IFT43: variants seen among roughly 807,000 people sequenced by gnomAD.
IFT43 encodes intraflagellar transport protein 43 homolog.
IFT43 carries 33 observed loss-of-function variants against 32.3 expected under a neutral mutation model. The observed-to-expected ratio is 1.02, with a 90% CI of 0.77 to 1.37. The LOEUF (loss-of-function observed/expected upper bound fraction) is 1.37, where lower values mean the gene tolerates loss of function less well. Ranked by LOEUF, IFT43 falls within the 40% of genes most tolerant of loss-of-function variation. The pLI is 0.00. For synonymous variants in IFT43, 93 were observed against 98.2 expected, an observed-to-expected ratio of 0.95 and a Z score of 0.31; for missense variants, 274 against 265.9, an observed-to-expected ratio of 1.03 and a Z score of -0.21.
intron 7 of IFT43, 86 bp from the exon 8 acceptor site, chr14:76,083,141 C>G (rs981126471): frequency 2.7e-6 from 4 of 1,498,012 alleles, no homozygotes; most frequent in Non-Finnish European, 3.7e-6. Context: ...TTCTGACACA[C>G]AAAAACTGAT....
intron 2 of IFT43, among the ~76,000 whole-genome samples, chr14:76,004,066 A>C (rs372841438): frequency 6.6e-6 from 1 of 151,616 alleles, no homozygotes; most frequent in Non-Finnish European, 1.5e-5. Flanking sequence ...GTGAACCACC[A>C]CCCCCAGCCC....
Position 76,082,385 on chromosome 14 carries a change from T to C in IFT43, c.368+18T>C, listed in dbSNP as rs2140099537. ...CCTCCCAGGTAGGTTAAATCAGATA[T>C]GATTGGGGAGGCAAAGAACACGTGA... On this transcript the variant is annotated intron_variant, in intron 6 of 8. Coordinates refer to ENST00000314067, the MANE Select transcript of IFT43 (RefSeq NM_001102564.3). The C allele has an allele frequency of 6.7e-7, 1 of 1,499,178 alleles. No individual in the cohort carries two copies. The highest frequency in any genetic ancestry group is 9.3e-7 in the Non-Finnish European group (1 of 1,075,016). 92.9% of individuals were successfully genotyped at this position (1,499,178 alleles called of 1,614,324 possible).
At chr14:75,998,708 G>C (rs1026640297) in intron 2 of IFT43, among the ~76,000 whole-genome samples, 4 of 152,162 alleles carry the variant, frequency 2.6e-5, no homozygotes, top group Non-Finnish European at 4.4e-5. Flanking sequence ...AGGGGTCCCT[G>C]CAATTTCAGG....
chr14:76,076,548 A>G (rs772671974), intron 5 of IFT43: 22 of 1,611,344 alleles, frequency 1.4e-5, no homozygotes, highest in Non-Finnish European at 1.9e-5. Flanking sequence ...TGCTTGGGGT[A>G]TACTCATTGC....
At chr14:76,060,286 T>G (rs2037105677) in intron 5 of IFT43, among the ~76,000 whole-genome samples, 1 of 152,108 alleles carries the variant, frequency 6.6e-6, no homozygotes. Context: ...GGTGCAATCT[T>G]GGCTCACTGA....
intron 5 of IFT43, among the ~76,000 whole-genome samples, chr14:76,080,372 G>A (rs2037487414): frequency 6.6e-6 from 1 of 152,198 alleles, no homozygotes; most frequent in Non-Finnish European, 1.5e-5. Flanking sequence ...CACATTTGGA[G>A]GAGGGGGTTG....
intron 5 of IFT43, among the ~76,000 whole-genome samples, chr14:76,069,330 CTT>C (rs887960713): frequency 1.5e-3 from 234 of 152,216 alleles, no homozygotes; most frequent in African/African-American, 5.2e-3. Flanking sequence ...GGAGAAATGA[CTT>C]TTAAACTTCA....
intron 3 of IFT43, among the ~76,000 whole-genome samples, chr14:76,039,168 TGTTGCCCAG>T (rs2036660064): frequency 6.6e-6 from 1 of 152,020 alleles, no homozygotes; most frequent in African/African-American, 2.4e-5. Flanking sequence ...GGTCTCATTC[TGTTGCCCAG>T]GTTGGAGGGT....
At chr14:76,073,035 C>CTTTTTT (rs1212649444) in intron 5 of IFT43, among the ~76,000 whole-genome samples, 1 of 152,102 alleles carries the variant, frequency 6.6e-6, no homozygotes, top group Non-Finnish European at 1.5e-5. Context: ...TCTTAGACTG[C>CTTTTTT]TTTGATTTTT....
intron 2 of IFT43, chr14:76,013,660 G>C (rs1467313589): frequency 7.0e-6 from 2 of 285,118 alleles, no homozygotes; most frequent in East Asian, 1.9e-4. Context: ...GGGGAAAGGA[G>C]CAGCAACAAA....
intron 3 of IFT43, among the ~76,000 whole-genome samples, chr14:76,029,851 T>TTTTTTTTTTA (rs2036472787): frequency 3.4e-5 from 4 of 117,462 alleles, no homozygotes; most frequent in Non-Finnish European, 6.9e-5. Context: ...TTTATTTTTA[T>TTTTTTTTTTA]TTTTATTTTA....
intron 3 of IFT43, among the ~76,000 whole-genome samples, chr14:76,047,441 G>T (rs1025026921): frequency 6.6e-6 from 1 of 152,126 alleles, no homozygotes; most frequent in African/African-American, 2.4e-5. Context: ...AAATAAAGAA[G>T]TCATATTAAG....
intron 5 of IFT43, among the ~76,000 whole-genome samples, chr14:76,061,918 T>G (rs2037141892): frequency 6.6e-6 from 1 of 152,208 alleles, no homozygotes; most frequent in South Asian, 2.1e-4. Context: ...TCAAAAAGTT[T>G]TGGATTTTAG....
intron 3 of IFT43, among the ~76,000 whole-genome samples, chr14:76,048,804 T>G (rs1294214138): frequency 1.3e-5 from 2 of 152,146 alleles, no homozygotes; most frequent in African/African-American, 2.4e-5. Flanking sequence ...TTGGTTCTTA[T>G]TTACCAGGGA....
At chr14:76,026,580 A>G (rs1430231032) in intron 3 of IFT43, among the ~76,000 whole-genome samples, 1 of 151,988 alleles carries the variant, frequency 6.6e-6, no homozygotes, top group African/African-American at 2.4e-5. Context: ...AAGTCAAAAA[A>G]TAACAGATGC....
intron 2 of IFT43, among the ~76,000 whole-genome samples, chr14:76,004,329 A>G (rs2035942995): frequency 6.6e-6 from 1 of 151,996 alleles, no homozygotes; most frequent in African/African-American, 2.4e-5. Flanking sequence ...GGAATTCCAG[A>G]TTGAGAGTTT....
At chr14:75,989,077 T>C in intron 2 of IFT43, 100 bp downstream of exon 2, 1 of 1,385,440 alleles carries the variant, frequency 7.2e-7, no homozygotes, top group African/African-American at 1.4e-5. Flanking sequence ...TTCTCTTGAA[T>C]GCCAACCCTT....
intron 3 of IFT43, 192 bp from the exon 4 acceptor site, chr14:76,058,450 G>GT: frequency 1.8e-6 from 1 of 571,148 alleles, no homozygotes; most frequent in Non-Finnish European, 3.1e-6. Context: ...ACATAAAGCT[G>GT]TAAGAAGGCA....
chr14:76,020,816 G>C (rs990959277), intron 2 of IFT43, among the ~76,000 whole-genome samples: 1 of 152,080 alleles, frequency 6.6e-6, no homozygotes, highest in African/African-American at 2.4e-5. Flanking sequence ...GGTGATGGTG[G>C]ATCTGGGCAG....
Sources: gnomAD v4.1 joint callset for allele counts (sites outside exome capture counted in the v4.1 genomes callset) on GRCh38, gnomAD v4.1.1 for gene constraint, MANE v1.5 for transcripts, NCBI Gene and HGNC (gene_info 2026-07-23, HGNC 2026-07-21) for gene names.